Variants in TMEM182 observed in about 807,000 individuals in gnomAD.
The protein encoded by TMEM182 is transmembrane protein 182.
In TMEM182, 20 loss-of-function variants were observed where a neutral mutation model predicts 26.8. The ratio of observed to expected loss-of-function variants is 0.75; its 90% CI spans 0.53 to 1.09. The LOEUF is 1.09. Among genes scored for constraint, TMEM182 ranks in the 50% least tolerant of loss-of-function variants. TMEM182 has a pLI of 0.00. For missense variants in TMEM182, 277 were observed against 275.5 expected, an observed-to-expected ratio of 1.01 and a Z score of -0.04; for synonymous variants, 109 against 102.2, an observed-to-expected ratio of 1.07 and a Z score of -0.40.
intron 3 of TMEM182, among the ~76,000 whole-genome samples, chr2:102,785,790 G>T (rs1681364209): frequency 6.6e-6 from 1 of 152,144 alleles, no homozygotes; most frequent in Non-Finnish European, 1.5e-5. Flanking sequence ...CTGGGGAAAT[G>T]TGATTTCTTG....
chr2:102,812,597 C>A (rs749003860), intron 4 of TMEM182, among the ~76,000 whole-genome samples: 1 of 152,130 alleles, frequency 6.6e-6, no homozygotes, highest in African/African-American at 2.4e-5. Flanking sequence ...TAAGTTAATT[C>A]TTTCCTATTA....
At chr2:102,806,681 CAA>C (rs1345973645) in intron 4 of TMEM182, among the ~76,000 whole-genome samples, 6 of 152,060 alleles carry the variant, frequency 3.9e-5, no homozygotes, top group Non-Finnish European at 8.8e-5. Context: ...ATAATAATAA[CAA>C]AATTAGCCCA....
At chr2:102,745,615 AT>A in intron 1 of TMEM182, among the ~76,000 whole-genome samples, 1 of 152,246 alleles carries the variant, frequency 6.6e-6, no homozygotes, top group Non-Finnish European at 1.5e-5. Context: ...AAATACCTAT[AT>A]ATTTTAGGCA....
At chr2:102,742,800 A>C (rs1354626262) in intron 1 of TMEM182, among the ~76,000 whole-genome samples, 1 of 152,220 alleles carries the variant, frequency 6.6e-6, no homozygotes, top group Non-Finnish European at 1.5e-5. Flanking sequence ...CCAACCTAGA[A>C]TAATTTTATA....
downstream of TMEM182, among the ~76,000 whole-genome samples, chr2:102,822,584 G>A (rs910888227): frequency 9.2e-5 from 14 of 151,806 alleles, no homozygotes; most frequent in African/African-American, 3.4e-4. Context: ...GTAAGAGAGT[G>A]GAAAAGGTTG....
At chr2:102,813,675 C>T (rs750366432) in intron 4 of TMEM182, among the ~76,000 whole-genome samples, 6 of 152,120 alleles carry the variant, frequency 3.9e-5, no homozygotes, top group Non-Finnish European at 8.8e-5. Flanking sequence ...CTGGCAATTA[C>T]GGTAACAGTT....
intron 3 of TMEM182, among the ~76,000 whole-genome samples, chr2:102,834,147 G>A (rs954226349): frequency 1.9e-4 from 29 of 152,292 alleles, no homozygotes; most frequent in South Asian, 6.2e-4. Context: ...CCTGCTCTAC[G>A]AAGTGTGACC....
At chr2:102,765,556 T>C (rs1229228253) in intron 3 of TMEM182, among the ~76,000 whole-genome samples, 1 of 152,212 alleles carries the variant, frequency 6.6e-6, no homozygotes, top group Non-Finnish European at 1.5e-5. Context: ...ACCTAGTGGA[T>C]ATATAACAAT....
At chr2:102,743,902 CA>C (rs1206984302) in intron 1 of TMEM182, among the ~76,000 whole-genome samples, 1 of 152,064 alleles carries the variant, frequency 6.6e-6, no homozygotes, top group African/African-American at 2.4e-5. Context: ...GTCAATTCTC[CA>C]AGAAGACCTA....
chr2:102,742,564 A>G (rs1375905269), intron 1 of TMEM182, among the ~76,000 whole-genome samples: 1 of 152,234 alleles, frequency 6.6e-6, no homozygotes, highest in East Asian at 1.9e-4. Flanking sequence ...AACCACATGT[A>G]TAGGTAGCTT....
At chr2:102,764,613 T>A (rs952663007) in intron 3 of TMEM182, among the ~76,000 whole-genome samples, 186 bp downstream of exon 3, 10 of 152,178 alleles carry the variant, frequency 6.6e-5, no homozygotes, top group African/African-American at 1.9e-4. Flanking sequence ...GAACATAACT[T>A]TGATCTAAAA....
chr2:102,792,877 G>A (rs1267454582), intron 3 of TMEM182, among the ~76,000 whole-genome samples: 5 of 152,114 alleles, frequency 3.3e-5, no homozygotes, highest in African/African-American at 9.7e-5. Context: ...GCAGGGACTC[G>A]CAGTGGTCAG....
At chr2:102,759,021 A>G (rs74655393), upstream of TMEM182, among the ~76,000 whole-genome samples, 2,328 of 152,300 alleles carry the variant, frequency 0.015, 65 homozygotes, top group African/African-American at 0.054. Context: ...TCATAAACCA[A>G]AAATGGTGAG....
chr2:102,818,613 A>T (rs2104764692), downstream of TMEM182, among the ~76,000 whole-genome samples: 1 of 152,284 alleles, frequency 6.6e-6, no homozygotes, highest in African/African-American at 2.4e-5. Flanking sequence ...GCTTTTTGAA[A>T]GATCATCCCT....
chr2:102,828,203 C>T (rs1006894752), intron 3 of TMEM182, among the ~76,000 whole-genome samples: 1 of 152,076 alleles, frequency 6.6e-6, no homozygotes, highest in Non-Finnish European at 1.5e-5. Flanking sequence ...AGTTATTAAT[C>T]AGGGAAGAGA....
At chr2:102,798,739 GC>G (rs1020759005) in intron 4 of TMEM182, among the ~76,000 whole-genome samples, 4 of 152,142 alleles carry the variant, frequency 2.6e-5, no homozygotes, top group African/African-American at 7.2e-5. Flanking sequence ...TACTCAGGAG[GC>G]TGAGGCAGGA....
intron 3 of TMEM182, among the ~76,000 whole-genome samples, chr2:102,778,252 A>C (rs898376060): frequency 4.6e-5 from 7 of 151,922 alleles, no homozygotes; most frequent in Non-Finnish European, 7.4e-5. Context: ...CTTTTTATCA[A>C]TATGTGATGT....
chr2:102,814,026 T>C (rs900506256), intron 4 of TMEM182, among the ~76,000 whole-genome samples: 1 of 151,974 alleles, frequency 6.6e-6, no homozygotes, highest in East Asian at 1.9e-4. Flanking sequence ...TTATCATCAA[T>C]CTTCCTCCCT....
At chr2:102,799,230 A>C (rs1682010048) in intron 4 of TMEM182, among the ~76,000 whole-genome samples, 1 of 152,240 alleles carries the variant, frequency 6.6e-6, no homozygotes, top group Admixed American at 6.5e-5. Context: ...AGAATGGAGA[A>C]GGTTACTGTC....
Sources: gnomAD v4.1 joint callset for allele counts (sites outside exome capture counted in the v4.1 genomes callset) on GRCh38, gnomAD v4.1.1 for gene constraint, MANE v1.5 for transcripts, NCBI Gene and HGNC (gene_info 2026-07-23, HGNC 2026-07-21) for gene names.